The following CTNNA3 variants were observed in gnomAD, a reference collection of about 807,000 sequenced individuals.
CTNNA3 encodes the protein catenin alpha-3.
In CTNNA3, 76 loss-of-function variants were observed where a neutral mutation model predicts 95.7. That is an observed-to-expected ratio of 0.79 (90% CI 0.66 to 0.96). The LOEUF (loss-of-function observed/expected upper bound fraction) is 0.96. Ranked by LOEUF, CTNNA3 falls within the 40% of genes least tolerant of loss-of-function variation. CTNNA3 has a pLI of 0.00. For missense variants in CTNNA3, 1,191 were observed against 1,089.8 expected, an observed-to-expected ratio of 1.09 and a Z score of -1.31; for synonymous variants, 431 against 374.4, an observed-to-expected ratio of 1.15 and a Z score of -1.74.
intron 1 of CTNNA3, among the ~76,000 whole-genome samples, chr10:67,693,551 G>A (rs1431368242): frequency 6.6e-6 from 1 of 152,112 alleles, no homozygotes; most frequent in Admixed American, 6.5e-5. Flanking sequence ...GGGGAATAGA[G>A]AATGAAACTC....
chr10:66,560,794 T>C (rs1842528789), intron 10 of CTNNA3, among the ~76,000 whole-genome samples: 1 of 151,980 alleles, frequency 6.6e-6, no homozygotes, highest in South Asian at 2.1e-4. Context: ...CCCTCATAAA[T>C]AGGATTCATG....
At chr10:66,697,850 A>C (rs10997316) in intron 9 of CTNNA3, among the ~76,000 whole-genome samples, 110,200 of 151,968 alleles carry the variant, frequency 0.73, 40,174 homozygotes, top group Admixed American at 0.8. Context: ...CTAGCATATT[A>C]TCTTTGGTTC....
intron 5 of CTNNA3, among the ~76,000 whole-genome samples, chr10:67,506,086 A>G (rs1280961771): frequency 6.6e-6 from 1 of 152,240 alleles, no homozygotes; most frequent in Non-Finnish European, 1.5e-5. Context: ...CACAGAAGAG[A>G]GAAAAGCAAT....
chr10:66,016,120 C>A (rs1362319122), intron 15 of CTNNA3, among the ~76,000 whole-genome samples: 1 of 152,122 alleles, frequency 6.6e-6, no homozygotes, highest in Admixed American at 6.6e-5. Flanking sequence ...AAGTGCATTC[C>A]AAACTCATTT....
At chr10:66,391,817 A>G (rs2092935809) in intron 11 of CTNNA3, among the ~76,000 whole-genome samples, 2 of 152,072 alleles carry the variant, frequency 1.3e-5, no homozygotes, top group East Asian at 1.9e-4. Context: ...TTAAATTTGT[A>G]AAACTCAGGC....
Position 66,848,182 on chromosome 10 carries a change from G to C in CTNNA3, c.1048-72658C>G, listed in dbSNP as rs181718494. On this transcript the variant is annotated intron_variant, in intron 7 of 17. Transcript: ENST00000433211. ...GACTTAGGTGAATGATTTTCAATAG[G>C]GAACTGTGGTTCTTCTTTGGGGTAA... 9.2e-5 allele frequency among the ~76,000 whole-genome samples: 14 copies of C among 152,258 alleles called. 1 individual carries two copies. In the East Asian group the frequency reaches 2.7e-3, roughly 29 times the overall value.
chr10:67,292,903 C>T (rs1462428827), intron 5 of CTNNA3, among the ~76,000 whole-genome samples: 1 of 151,934 alleles, frequency 6.6e-6, no homozygotes, highest in Non-Finnish European at 1.5e-5. Flanking sequence ...CTAATGGGCT[C>T]ACAGGGATTT....
intron 1 of CTNNA3, among the ~76,000 whole-genome samples, chr10:67,744,847 T>C (rs903524806): frequency 8.5e-5 from 13 of 152,066 alleles, no homozygotes; most frequent in Non-Finnish European, 1.9e-4. Context: ...GCGAAGGATA[T>C]GAACATGAAC....
chr10:66,495,213 C>T (rs550748194), intron 11 of CTNNA3, among the ~76,000 whole-genome samples: 171 of 152,184 alleles, frequency 1.1e-3, no homozygotes, highest in African/African-American at 3.9e-3. Context: ...CTTTGGCTAG[C>T]CCATAAACTC....
intron 15 of CTNNA3, among the ~76,000 whole-genome samples, chr10:66,005,181 C>T (rs1029156486): frequency 6.6e-6 from 1 of 152,162 alleles, no homozygotes; most frequent in African/African-American, 2.4e-5. Flanking sequence ...TGAAAAGACT[C>T]CTATAATATC....
At chr10:66,887,245 A>C (rs1162317319) in intron 7 of CTNNA3, among the ~76,000 whole-genome samples, 3 of 152,178 alleles carry the variant, frequency 2.0e-5, no homozygotes, top group African/African-American at 7.2e-5. Flanking sequence ...TATTTGGGAA[A>C]AAATCCTTAG....
At chr10:66,821,380 G>A (rs1219771978) in intron 7 of CTNNA3, among the ~76,000 whole-genome samples, 2 of 151,996 alleles carry the variant, frequency 1.3e-5, no homozygotes, top group Admixed American at 6.6e-5. Context: ...ATCTCAGTGA[G>A]TATAACAGTT....
intron 16 of CTNNA3, among the ~76,000 whole-genome samples, chr10:65,986,848 GCATTAAAAAAAAAAAC>G (rs2078438784): frequency 1.3e-5 from 2 of 150,208 alleles, no homozygotes; most frequent in South Asian, 4.2e-4. Context: ...CATGGTACTG[GCATTAAAAAAAAAAAC>G]CACATAGACC....
chr10:66,057,285 C>A (rs1009127545), intron 15 of CTNNA3, among the ~76,000 whole-genome samples: 13 of 152,022 alleles, frequency 8.6e-5, no homozygotes, highest in African/African-American at 3.1e-4. Flanking sequence ...ACTATAACAC[C>A]TAAAATCTCT....
chr10:67,327,980 G>T (rs1044371056), intron 5 of CTNNA3, among the ~76,000 whole-genome samples: 1 of 152,166 alleles, frequency 6.6e-6, no homozygotes, highest in Non-Finnish European at 1.5e-5. Context: ...TCTCTGCAGA[G>T]TGTTACCATA....
At chr10:67,499,996 C>T (rs1839176269) in intron 5 of CTNNA3, among the ~76,000 whole-genome samples, 1 of 152,042 alleles carries the variant, frequency 6.6e-6, no homozygotes. Context: ...TTTGCTCTTG[C>T]TTCTCTAGTT....
intron 11 of CTNNA3, among the ~76,000 whole-genome samples, chr10:66,486,599 G>T (rs563591969): frequency 3.5e-4 from 53 of 152,224 alleles, no homozygotes; most frequent in South Asian, 6.2e-4. Flanking sequence ...TCGTGGGAAC[G>T]TAAAGTGCTA....
chr10:67,359,239 T>TAAA (rs958948530), intron 5 of CTNNA3, among the ~76,000 whole-genome samples: 2 of 133,022 alleles, frequency 1.5e-5, no homozygotes, highest in Non-Finnish European at 1.6e-5. Flanking sequence ...GACATAACTT[T>TAAA]AAAAAAAAAA....
At chr10:67,095,145 G>GA (rs1172123780) in intron 7 of CTNNA3, among the ~76,000 whole-genome samples, 2 of 151,468 alleles carry the variant, frequency 1.3e-5, no homozygotes, top group East Asian at 3.9e-4. Flanking sequence ...GTCAACCTGG[G>GA]AAAAATCTAC....
Sources: allele counts gnomAD v4.1 joint callset (sites outside exome capture counted in the v4.1 genomes callset), GRCh38; gene constraint gnomAD v4.1.1; transcripts MANE v1.5; gene names NCBI Gene and HGNC (gene_info 2026-07-23, HGNC 2026-07-21).